The following ZGRF1 variants were observed in gnomAD, a reference collection of about 807,000 sequenced individuals.
ZGRF1 encodes 5'-3' DNA helicase ZGRF1.
ZGRF1 carries 196 observed loss-of-function variants against 203.5 expected under a neutral mutation model. The observed-to-expected ratio is 0.96, with a 90% CI of 0.86 to 1.08. ZGRF1 has a LOEUF of 1.08. Among genes scored for constraint, ZGRF1 ranks in the 50% least tolerant of loss-of-function variants. The probability of loss-of-function intolerance (pLI) is 0.00; values close to 1 mark genes in which losing one functional copy is unlikely to be tolerated. For missense variants in ZGRF1, 2,326 were observed against 2,416.3 expected, an observed-to-expected ratio of 0.96 and a Z score of 0.78; for synonymous variants, 809 against 841.3, an observed-to-expected ratio of 0.96 and a Z score of 0.66.
chr4:112,626,054 T>C (rs1442144941), intron 3 of ZGRF1, among the ~76,000 whole-genome samples: 3 of 152,162 alleles, frequency 2.0e-5, no homozygotes, highest in African/African-American at 7.2e-5. Flanking sequence ...CCAGAATAGG[T>C]AAATCTAGAG....
At chr4:112,600,620 G>A (rs1052135026) in intron 10 of ZGRF1, among the ~76,000 whole-genome samples, 1 of 152,092 alleles carries the variant, frequency 6.6e-6, no homozygotes, top group Non-Finnish European at 1.5e-5. Flanking sequence ...GAACCCAGGA[G>A]GCGGAGTGTT....
chr4:112,552,086 TG>T (rs1035766499), intron 22 of ZGRF1, among the ~76,000 whole-genome samples: 1 of 152,122 alleles, frequency 6.6e-6, no homozygotes, highest in Admixed American at 6.6e-5. Flanking sequence ...GAGACCAGCC[TG>T]GCCAACACTG....
At chr4:112,611,964 G>C (rs1218146550) in intron 7 of ZGRF1, among the ~76,000 whole-genome samples, 1 of 151,744 alleles carries the variant, frequency 6.6e-6, no homozygotes, top group Non-Finnish European at 1.5e-5. Flanking sequence ...GTAACTGTGG[G>C]GTTTTGTTTT....
At chr4:112,567,042 CA>C (rs1487015112) in intron 16 of ZGRF1, among the ~76,000 whole-genome samples, 2 of 152,080 alleles carry the variant, frequency 1.3e-5, no homozygotes. Flanking sequence ...GTCTCCACCT[CA>C]CCTCCAAACT....
At position 112,587,653 on chromosome 4, in the gene ZGRF1, A is replaced by C. The variant is rs1560813047; in HGVS notation, c.3404T>G (p.Val1135Gly). The C allele has an allele frequency of 6.2e-7, 1 of 1,613,642 alleles. No homozygotes were observed. Residue 1135 changes from valine to glycine, a missense_variant, in exon 12 of 28, where the codon GTT becomes GGT. Transcript: ENST00000505019. ...EESREVNPGD[V>G]SLNNISTQSK... is the part of the protein sequence containing the mutation. ...CTGAGTAGATATATTATTAAGTGAA[A>C]CATCCCCTGGATTCACTTCCCTAGA...
At chr4:112,615,880 C>A (rs1482571279) in intron 6 of ZGRF1, among the ~76,000 whole-genome samples, 1 of 151,946 alleles carries the variant, frequency 6.6e-6, no homozygotes, top group Non-Finnish European at 1.5e-5. Flanking sequence ...GGTGATCCAC[C>A]CGCCTCTGCC....
intron 18 of ZGRF1, 139 bp from the exon 19 acceptor site, chr4:112,561,134 T>C (rs1741896845): frequency 3.0e-6 from 2 of 672,452 alleles, no homozygotes; most frequent in East Asian, 2.7e-5. Flanking sequence ...TAAGTGGATA[T>C]ATACTGTAAA....
chr4:112,618,035 G>T lies in ZGRF1; in HGVS notation c.2007C>A (p.Val669=). The change falls in exon 6 of 28, where the codon GTC becomes GTA. Residue 669 remains valine, a synonymous_variant. Transcript: ENST00000505019. ...KEDANKPIQE[V]RINYDFALPP... Reference sequence around the variant, plus strand: ...GTAAAGCAAAATCATAGTTAATTCTGACTTCTTGAATAGGTTTATTAGCAT... The same window carrying T: ...GTAAAGCAAAATCATAGTTAATTCTTACTTCTTGAATAGGTTTATTAGCAT... The T allele has an allele frequency of 6.2e-7, 1 of 1,612,978 alleles. No individual in the cohort carries two copies. The highest frequency in any genetic ancestry group is 1.1e-5 in the South Asian group (1 of 90,910).
intron 16 of ZGRF1, among the ~76,000 whole-genome samples, chr4:112,563,795 A>C (rs1742469886): frequency 6.6e-6 from 1 of 152,216 alleles, no homozygotes; most frequent in Non-Finnish European, 1.5e-5. Context: ...AAAAAGCCCA[A>C]GATCAAGGTG....
At chr4:112,603,834 GA>G (rs1465360880) in intron 9 of ZGRF1, 137 bp from the exon 10 acceptor site, 10 of 570,376 alleles carry the variant, frequency 1.8e-5, no homozygotes, top group Admixed American at 3.3e-5. Context: ...AACTAATGCT[GA>G]AAACCGGGAA....
rs777003419 is a variant in ZGRF1, at chr4:112,587,399, C to G, written c.3658G>C (p.Asp1220His). 6.2e-7 allele frequency: 1 copy of G among 1,613,904 alleles called. No homozygotes were observed. Among genetic ancestry groups the G allele is most frequent in the Non-Finnish European group, 8.5e-7 (1 of 1,179,858 alleles). ...AGTACTTTCTTTCTGGAAACCGAAT[C>G]TTGACTGCTAAAATCCTGCCGCTGT... ...YQQRQDFSSQ[D>H]SVSRKKVLSL... The change falls in exon 12 of 28, where the codon GAT becomes CAT. Residue 1220 changes from aspartate to histidine, a missense_variant. Physicochemically the swap from Asp to His is moderately conservative, Grantham distance 81. Transcript: ENST00000505019.
At chr4:112,619,730 A>T in intron 5 of ZGRF1, 40 bp from the exon 6 acceptor site, 1 of 1,433,100 alleles carries the variant, frequency 7.0e-7, no homozygotes, top group South Asian at 1.4e-5. Context: ...ACCATTACCC[A>T]TTAAGAAAAT....
chr4:112,574,032 A>G (rs1202517644), intron 16 of ZGRF1, among the ~76,000 whole-genome samples: 4 of 152,322 alleles, frequency 2.6e-5, no homozygotes, highest in Admixed American at 2.6e-4. Flanking sequence ...ATGAGTACAA[A>G]CTGATAGAGC....
chr4:112,619,222 T>C lies in ZGRF1; in HGVS notation c.820A>G (p.Met274Val). 5 of 1,613,284 alleles carry C rather than the reference T, an allele frequency of 3.1e-6. No homozygotes were observed. The highest frequency in any genetic ancestry group is 4.2e-6 in the Non-Finnish European group (5 of 1,179,964). Reference sequence around the variant, plus strand: ...TGTTTTTGAGGAAAATGCTCTGTCATCTCAGAATTTAGTTCCTCACATGAA... The same window carrying C: ...TGTTTTTGAGGAAAATGCTCTGTCACCTCAGAATTTAGTTCCTCACATGAA... ...SSSCEELNSE[M>V]TEHFPQKQPQ... The change falls in exon 6 of 28, where the codon ATG becomes GTG. Residue 274 changes from methionine to valine, a missense_variant. Transcript: ENST00000505019.
chr4:112,628,988 A>C, intron 3 of ZGRF1: 2 of 325,020 alleles, frequency 6.2e-6, no homozygotes, highest in South Asian at 5.3e-5. Flanking sequence ...AGAAGAATTA[A>C]TCACATGACT....
intron 16 of ZGRF1, among the ~76,000 whole-genome samples, chr4:112,564,476 T>C (rs563529414): frequency 7.9e-5 from 12 of 152,224 alleles, no homozygotes; most frequent in African/African-American, 2.6e-4. Flanking sequence ...CTGCTGCAAA[T>C]AGGAATGAGA....
At chr4:112,595,870 A>AT (rs1317666518) in intron 10 of ZGRF1, among the ~76,000 whole-genome samples, 1 of 152,234 alleles carries the variant, frequency 6.6e-6, no homozygotes, top group Non-Finnish European at 1.5e-5. Flanking sequence ...TTAGTGCTGT[A>AT]TAACAAACTG....
chr4:112,577,739 T>C lies in ZGRF1; in HGVS notation c.4438+3924A>G, dbSNP rs1449770233. ...AACAAGAAGAGCTAACTATCCTAAA[T>C]GTATATGCACCCAATTACAGGAGCA... On this transcript the variant is annotated intron_variant, in intron 16 of 27. Transcript: ENST00000505019. Among the ~76,000 whole-genome samples, 2 of 123,072 alleles carry C rather than the reference T, an allele frequency of 1.6e-5. 1 individual carries two copies. Among genetic ancestry groups the C allele is most frequent in the Non-Finnish European group, 3.6e-5 (2 of 55,114 alleles). The allele number at this position is 123,072 out of a possible 152,430, so 80.7% of individuals were successfully genotyped here.
intron 12 of ZGRF1, 69 bp downstream of exon 12, chr4:112,587,211 A>T: frequency 1.4e-6 from 2 of 1,442,270 alleles, no homozygotes; most frequent in Non-Finnish European, 1.9e-6. Flanking sequence ...ATATTTTGGT[A>T]ATTCTTTTGT....
Sources: gnomAD v4.1 joint callset for allele counts (sites outside exome capture counted in the v4.1 genomes callset) on GRCh38, gnomAD v4.1.1 for gene constraint, MANE v1.5 for transcripts, NCBI Gene and HGNC (gene_info 2026-07-23, HGNC 2026-07-21) for gene names.